The following IL16 variants were observed in gnomAD, a reference collection of about 807,000 sequenced individuals.
IL16 encodes the protein pro-interleukin-16.
A neutral mutation model predicts 110.1 loss-of-function variants in IL16; 67 were observed. That is an observed-to-expected ratio of 0.61 (90% CI 0.50 to 0.75). The LOEUF (loss-of-function observed/expected upper bound fraction) is 0.75, where lower values mean the gene tolerates loss of function less well. IL16 is among the 30% of genes least tolerant of loss of function. The pLI is 0.00. For synonymous variants in IL16, 689 were observed against 662.9 expected, an observed-to-expected ratio of 1.04 and a Z score of -0.61; for missense variants, 1,545 against 1,655.0, an observed-to-expected ratio of 0.93 and a Z score of 1.15.
chr15:81,215,381 A>T lies in IL16; in HGVS notation c.-101-9918A>T, dbSNP rs1017905126. On this transcript the variant is annotated intron_variant, in intron 1 of 18. Transcript: ENST00000683961. ...TGTGTTTGGTTTCACAGATGCATAT[A>T]TTAGTAGGATAATTTTTGGTGTTGC... Among the ~76,000 whole-genome samples the T allele has an allele frequency of 9.8e-5, 15 of 152,318 alleles. No individual in the cohort carries two copies. In the East Asian group the frequency reaches 2.7e-3, roughly 27 times the overall value.
upstream of IL16, among the ~76,000 whole-genome samples, chr15:81,195,616 A>T (rs1206240590): frequency 6.6e-6 from 1 of 152,074 alleles, no homozygotes; most frequent in African/African-American, 2.4e-5. Flanking sequence ...CAGCGGCTAG[A>T]TCTTTGCAGC....
chr15:81,198,152 C>T (rs1288840509), intron 1 of IL16, among the ~76,000 whole-genome samples: 1 of 152,108 alleles, frequency 6.6e-6, no homozygotes, highest in Non-Finnish European at 1.5e-5. Context: ...ACCCTTGAAG[C>T]CTCTACTGCT....
chr15:81,299,821 C>T lies in IL16; in HGVS notation c.2495C>T (p.Ala832Val). 6.3e-7 allele frequency: 1 copy of T among 1,589,856 alleles called. No individual in the cohort carries two copies. The change falls in exon 14 of 19, where the codon GCC becomes GTC. Residue 832 changes from alanine (A) to valine (V), a missense_variant. Physicochemically the swap from Ala to Val is moderately conservative, Grantham distance 64. Coordinates refer to ENST00000683961, the MANE Select transcript of IL16 (RefSeq NM_172217.5). ...SREHLGSHIR[A>V]SSSSSSIRQR... ...GAGCACCTAGGATCACACATCCGGG[C>T]CTCCTCCTCCTCCTCCTCCATCAGG...
rs769711053 is a variant in IL16 at position 81,279,606 on chromosome 15, GCGCCTCCTTCCCTGT to G, written c.914_928del (p.Ala305_Cys310delinsGly). 1.1e-5 allele frequency: 18 copies of G among 1,614,046 alleles called. No individual in the cohort carries two copies. Among genetic ancestry groups the G allele is most frequent in the Non-Finnish European group, 1.5e-5 (18 of 1,180,040 alleles). ...CCTCACCGTGAGAACCCGCCTGACG[GCGCCTCCTTCCCTGT>G]GCAGCCACCTGTCTCCCCCACTGTG... On this transcript the variant is annotated inframe_deletion, in exon 8 of 19. Transcript: ENST00000683961.
chr15:81,305,824 G>A lies in IL16; in HGVS notation c.3421-84G>A, dbSNP rs184430265. The A allele has an allele frequency of 1.5e-4, 225 of 1,524,336 alleles. 1 individual carries two copies. The highest frequency in any genetic ancestry group is 1.2e-3 in the Middle Eastern group (7 of 5,700). 94.4% of individuals were successfully genotyped at this position (1,524,336 alleles called of 1,614,324 possible). A position where few individuals can be genotyped will look rare whatever the true frequency, so the allele number is the denominator to read the frequency against. Reference sequence around the variant, plus strand: ...GTTGGCCTAAAAATCCTCTAGCATTGACTAACCGGTTCAATCCTCCTCCAG... The same window carrying A: ...GTTGGCCTAAAAATCCTCTAGCATTAACTAACCGGTTCAATCCTCCTCCAG... On this transcript the variant is annotated intron_variant, in intron 16 of 18. Coordinates refer to ENST00000683961, the MANE Select transcript of IL16 (RefSeq NM_172217.5).
intron 6 of IL16, among the ~76,000 whole-genome samples, 193 bp from the exon 7 acceptor site, chr15:81,278,624 G>A (rs1167774998): frequency 1.3e-5 from 2 of 152,174 alleles, no homozygotes; most frequent in Non-Finnish European, 2.9e-5. Flanking sequence ...GGAAGAGAGT[G>A]GGTGCCAGAG....
At chr15:81,306,369 G>A (rs879702816) in intron 17 of IL16, 51 bp from the exon 18 acceptor site, 4 of 1,605,188 alleles carry the variant, frequency 2.5e-6, no homozygotes, top group Non-Finnish European at 3.4e-6. Flanking sequence ...CAGGGCATCT[G>A]TGGCCTGGGA....
intron 1 of IL16, among the ~76,000 whole-genome samples, chr15:81,201,810 A>G (rs966568663): frequency 1.3e-5 from 2 of 152,152 alleles, no homozygotes; most frequent in Admixed American, 6.6e-5. Flanking sequence ...TTATTCTAGC[A>G]TCAGACACAC....
intron 11 of IL16, 190 bp from the exon 12 acceptor site, chr15:81,292,366 C>A: frequency 1.3e-6 from 1 of 788,488 alleles, no homozygotes; most frequent in South Asian, 1.5e-5. Context: ...AATGATTTTC[C>A]CAACCCAAAG....
chr15:81,244,911 G>A (rs909780643), intron 2 of IL16, among the ~76,000 whole-genome samples: 4 of 151,972 alleles, frequency 2.6e-5, no homozygotes, highest in Admixed American at 6.5e-5. Context: ...CTGTTATTCC[G>A]TATTCTGATT....
intron 2 of IL16, among the ~76,000 whole-genome samples, chr15:81,234,449 C>T (rs2142076499): frequency 6.6e-6 from 1 of 152,164 alleles, no homozygotes; most frequent in East Asian, 1.9e-4. Flanking sequence ...AAATATACAA[C>T]ATACAGTCTT....
chr15:81,256,762 G>A (rs918439659), intron 2 of IL16, among the ~76,000 whole-genome samples: 1 of 152,180 alleles, frequency 6.6e-6, no homozygotes, highest in Non-Finnish European at 1.5e-5. Flanking sequence ...TTTGCACATA[G>A]GGCTTGCTCC....
chr15:81,187,894 A>G (rs1038317122), intron 1 of IL16, among the ~76,000 whole-genome samples: 5 of 152,210 alleles, frequency 3.3e-5, no homozygotes, highest in African/African-American at 1.2e-4. Context: ...GCAACAAGGT[A>G]CGGAGAGTGG....
chr15:81,239,000 T>C (rs1595982106), intron 2 of IL16, among the ~76,000 whole-genome samples: 1 of 151,908 alleles, frequency 6.6e-6, no homozygotes, highest in East Asian at 1.9e-4. Context: ...TGAATTGGTG[T>C]TCTTTTTTTT....
rs1900155983 is a variant in IL16, at chr15:81,299,517, G to T, written c.2191G>T (p.Glu731Ter). The T allele has an allele frequency of 6.2e-7, 1 of 1,614,176 alleles. No homozygotes were observed. The highest frequency in any genetic ancestry group is 8.5e-7 in the Non-Finnish European group (1 of 1,180,010). The change falls in exon 14 of 19, where the codon GAG becomes TAG. Residue 731 changes from glutamate to a stop codon, truncating the protein, a stop_gained. Coordinates refer to ENST00000683961, the MANE Select transcript of IL16 (RefSeq NM_172217.5). LOFTEE classifies it high-confidence loss of function. ...IKNLFSPIMS[E>*]NHGHMPLQPN... ...AAACTTATTTAGCCCCATCATGAGTGAGAACCATGGCCACATGCCTCTACA... is the reference window on the plus strand; with the variant it reads ...AAACTTATTTAGCCCCATCATGAGTTAGAACCATGGCCACATGCCTCTACA...
chr15:81,233,857 T>C (rs1361252462), intron 2 of IL16, among the ~76,000 whole-genome samples: 1 of 152,048 alleles, frequency 6.6e-6, no homozygotes, highest in Non-Finnish European at 1.5e-5. Flanking sequence ...CTCTCAATTA[T>C]TTGCTGAAAG....
At chr15:81,198,812 G>A (rs1895694131) in intron 1 of IL16, among the ~76,000 whole-genome samples, 1 of 151,378 alleles carries the variant, frequency 6.6e-6, no homozygotes, top group Non-Finnish European at 1.5e-5. Context: ...TTGAGGTCAG[G>A]AGTTCCTGAC....
rs1239096209 is a variant in IL16, at chr15:81,303,641, G to A, written c.3411G>A (p.Lys1137=). Reference sequence around the variant, plus strand: ...CAGGAGGAGCAGATCTAGAAAACAAGGTGATTACGGTGAGTGGCCAAGTGA... The same window carrying A: ...CAGGAGGAGCAGATCTAGAAAACAAAGTGATTACGGTGAGTGGCCAAGTGA... The part of the protein sequence containing the change: ...SLAGGADLEN[K]VITVHRVFPN... Residue 1137 remains lysine, a synonymous_variant, in exon 16 of 19, where the codon AAG becomes AAA. Transcript: ENST00000683961. The surrounding 1 kb of genome is among the most constrained non-coding windows in gnomAD (Gnocchi z 4.1). The A allele has an allele frequency of 1.9e-6, 3 of 1,607,932 alleles. No homozygotes were observed. Among genetic ancestry groups the A allele is most frequent in the Non-Finnish European group, 2.6e-6 (3 of 1,174,324 alleles).
Position 81,248,315 on chromosome 15 carries a change from C to A in IL16, c.313-11457C>A, listed in dbSNP as rs138998832. Among the ~76,000 whole-genome samples, 1,011 of 152,122 alleles carry A rather than the reference C, an allele frequency of 6.6e-3. 17 individuals carry two copies. Among genetic ancestry groups the A allele is most frequent in the African/African-American group, 0.023 (942 of 41,530 alleles). On this transcript the variant is annotated intron_variant, in intron 2 of 18. Transcript: ENST00000683961. ...TTATTCTTTTGTTTTCAACTACACA[C>A]ACACCTACTTATGTATGTGTGAATG...
Sources: allele counts gnomAD v4.1 joint callset (sites outside exome capture counted in the v4.1 genomes callset), GRCh38; gene constraint gnomAD v4.1.1; non-coding constraint Gnocchi (gnomAD v3.1); transcripts MANE v1.5; gene names NCBI Gene and HGNC (gene_info 2026-07-23, HGNC 2026-07-21).